MRTFA: variants seen among roughly 807,000 people sequenced by gnomAD.
MRTFA encodes myocardin related transcription factor A.
A neutral mutation model predicts 83.5 loss-of-function variants in MRTFA; 20 were observed. The ratio of observed to expected loss-of-function variants is 0.24; its 90% CI spans 0.17 to 0.35. The LOEUF is 0.35. MRTFA is among the 10% of genes least tolerant of loss of function. MRTFA has a pLI of 1.00. For synonymous variants in MRTFA, 659 were observed against 541.2 expected, an observed-to-expected ratio of 1.22 and a Z score of -3.02; for missense variants, 1,200 against 1,224.7, an observed-to-expected ratio of 0.98 and a Z score of 0.30.
At chr22:40,613,837 G>C (rs893834085) in intron 1 of MRTFA, among the ~76,000 whole-genome samples, 1 of 152,140 alleles carries the variant, frequency 6.6e-6, no homozygotes, top group Admixed American at 6.6e-5. Flanking sequence ...TTGAACACAC[G>C]AGGCAAAGGT....
intron 3 of MRTFA, among the ~76,000 whole-genome samples, chr22:40,465,464 T>C (rs1170694805): frequency 6.6e-6 from 1 of 152,214 alleles, no homozygotes; most frequent in African/African-American, 2.4e-5. Context: ...GCTACAATAA[T>C]AGCTGACACT....
intron 2 of MRTFA, among the ~76,000 whole-genome samples, chr22:40,590,965 C>A (rs2056111726): frequency 6.6e-6 from 1 of 151,894 alleles, no homozygotes; most frequent in African/African-American, 2.4e-5. Flanking sequence ...AACCCCGTCT[C>A]TACCAAAAAA....
chr22:40,469,921 T>G lies in MRTFA; in HGVS notation c.242-6635A>C, dbSNP rs368127058. Among the ~76,000 whole-genome samples the G allele has an allele frequency of 3.0e-4, 45 of 151,626 alleles. 1 individual carries two copies. In the South Asian group the frequency reaches 9.4e-3, roughly 32 times the overall value. On this transcript the variant is annotated intron_variant, in intron 3 of 14. Transcript: ENST00000355630. Reference sequence around the variant, plus strand: ...AGCAAGACCCCCATCTCTATAAATATTATGTATATAAAGAATATATGGCTG... The same window carrying G: ...AGCAAGACCCCCATCTCTATAAATAGTATGTATATAAAGAATATATGGCTG...
intron 3 of MRTFA, among the ~76,000 whole-genome samples, chr22:40,466,695 A>G (rs1435594181): frequency 2.6e-5 from 4 of 152,236 alleles, no homozygotes; most frequent in Non-Finnish European, 5.9e-5. Context: ...CACTTCAAAG[A>G]AACAATAACA....
intron 3 of MRTFA, among the ~76,000 whole-genome samples, chr22:40,481,548 T>G (rs1225181097): frequency 2.0e-5 from 3 of 151,770 alleles, no homozygotes; most frequent in Non-Finnish European, 4.4e-5. Flanking sequence ...TGAAGAAAAA[T>G]ATAGTGGAAC....
chr22:40,550,020 G>C (rs1256664496), intron 3 of MRTFA, among the ~76,000 whole-genome samples: 1 of 146,670 alleles, frequency 6.8e-6, no homozygotes, highest in Admixed American at 7.0e-5. Context: ...CTGCACTCCA[G>C]CCTGGGCAAC....
rs761486678 is a variant in MRTFA at position 40,411,844 on chromosome 22, G to A, written c.2642C>T (p.Thr881Ile). The A allele has an allele frequency of 3.3e-6, 5 of 1,500,220 alleles. No individual in the cohort carries two copies. Among genetic ancestry groups the A allele is most frequent in the Non-Finnish European group, 4.5e-6 (5 of 1,123,206 alleles). 92.9% of individuals were successfully genotyped at this position (1,500,220 alleles called of 1,614,324 possible). Residue 881 changes from threonine (T) to isoleucine (I), a missense_variant, in exon 15 of 15, where the codon ACA becomes ATA. By Grantham distance (89) the Thr-to-Ile change is moderately conservative. Coordinates refer to ENST00000355630, the MANE Select transcript of MRTFA (RefSeq NM_020831.6). ...TGCTGCCAGGGGGGACCCACAGACT[G>A]TCTTCGGGGATGGCTTCTCCTTCCC...
In MRTFA at chr22:40,569,446, G is replaced by A. The variant is rs371653329; in HGVS notation, c.-21-17079C>T. ...CTGCTAAAGGAGGTAATGTATGGCCGGGTGCAGTGGCTCACGCCTGTAATC... is the reference window on the plus strand; with the variant it reads ...CTGCTAAAGGAGGTAATGTATGGCCAGGTGCAGTGGCTCACGCCTGTAATC... On this transcript the variant is annotated intron_variant, in intron 2 of 14. Transcript: ENST00000355630. 5.0e-5 allele frequency: 8 copies of A among 159,298 alleles called. No homozygotes were observed. In the South Asian group the frequency reaches 7.5e-4, roughly 15 times the overall value. The allele number at this position is 159,298 out of a possible 1,614,324, so 9.9% of individuals were successfully genotyped here.
In MRTFA at chr22:40,476,495, T is replaced by C. The variant is rs374825698; in HGVS notation, c.242-13209A>G. On this transcript the variant is annotated intron_variant, in intron 3 of 14. Coordinates refer to ENST00000355630, the MANE Select transcript of MRTFA (RefSeq NM_020831.6). ...TTTTTTGAGATAGGATCTTGCTCTG[T>C]CACCCAGGCTGGAGAGCAGTGGTGC... is the stretch of plus-strand genomic sequence containing the variant. 5.2e-4 allele frequency among the ~76,000 whole-genome samples: 79 copies of C among 152,284 alleles called. 2 individuals carry two copies. The South Asian group carries it at 0.016, about 31-fold the overall frequency.
chr22:40,419,857 G>T (rs1346688913), intron 11 of MRTFA, among the ~76,000 whole-genome samples: 1 of 152,178 alleles, frequency 6.6e-6, no homozygotes, highest in Non-Finnish European at 1.5e-5. Flanking sequence ...CCTCTCCAAG[G>T]CCCTAGGATG....
At chr22:40,454,331 G>T (rs1052366286) in intron 4 of MRTFA, among the ~76,000 whole-genome samples, 3 of 152,140 alleles carry the variant, frequency 2.0e-5, no homozygotes, top group Admixed American at 6.5e-5. Context: ...GTCCAGGCTG[G>T]TCTCAAACTC....
intron 3 of MRTFA, among the ~76,000 whole-genome samples, chr22:40,530,467 C>A (rs1336527085): frequency 1.3e-5 from 2 of 152,096 alleles, no homozygotes; most frequent in African/African-American, 4.8e-5. Context: ...TGGCTAATTT[C>A]TGTATTTTTA....
At chr22:40,470,041 T>C (rs1423157258) in intron 3 of MRTFA, among the ~76,000 whole-genome samples, 2 of 151,502 alleles carry the variant, frequency 1.3e-5, no homozygotes, top group Non-Finnish European at 2.9e-5. Context: ...CTGGCCAACA[T>C]GGTGAAACCC....
chr22:40,420,268 A>C, intron 11 of MRTFA, 137 bp downstream of exon 11: 1 of 1,009,214 alleles, frequency 9.9e-7, no homozygotes. Flanking sequence ...TGGGGACCAG[A>C]GCCTAAAGCC....
At chr22:40,522,487 ATG>A (rs1399309777) in intron 3 of MRTFA, 1 of 152,134 alleles carries the variant, frequency 6.6e-6, no homozygotes, top group African/African-American at 2.4e-5. Flanking sequence ...ATGCTGTGAG[ATG>A]TGTTGGATTT....
chr22:40,472,924 G>A (rs563979644), intron 3 of MRTFA, among the ~76,000 whole-genome samples: 2 of 152,242 alleles, frequency 1.3e-5, no homozygotes, highest in Admixed American at 1.3e-4. Flanking sequence ...TTTCCAACAG[G>A]AGAGAAATTT....
intron 3 of MRTFA, among the ~76,000 whole-genome samples, chr22:40,476,354 C>G (rs2053997621): frequency 6.6e-6 from 1 of 152,154 alleles, no homozygotes; most frequent in South Asian, 2.1e-4. Flanking sequence ...GTTTGATTAC[C>G]TCTCTTGCTT....
At chr22:40,528,737 CAAAAA>C (rs11321951) in intron 3 of MRTFA, among the ~76,000 whole-genome samples, 1 of 116,596 alleles carries the variant, frequency 8.6e-6, no homozygotes. Flanking sequence ...AACTCTGCTT[CAAAAA>C]AAAAAAAAAA....
chr22:40,420,292 C>T (rs2052800905), intron 11 of MRTFA, 113 bp downstream of exon 11: 1 of 1,265,736 alleles, frequency 7.9e-7, no homozygotes, highest in Non-Finnish European at 1.1e-6. Flanking sequence ...CTCTGCTTTC[C>T]ATGACGGTGG....
Sources: allele counts gnomAD v4.1 joint callset (sites outside exome capture counted in the v4.1 genomes callset), GRCh38; gene constraint gnomAD v4.1.1; transcripts MANE v1.5; gene names NCBI Gene and HGNC (gene_info 2026-07-23, HGNC 2026-07-21).